The following PLEKHH2 variants were observed in gnomAD, a reference collection of about 807,000 sequenced individuals.
PLEKHH2 encodes pleckstrin homology, MyTH4 and FERM domain containing H2, also known as pleckstrin homology domain-containing family H member 2.
PLEKHH2 carries 129 observed loss-of-function variants against 187.9 expected under a neutral mutation model. The ratio of observed to expected loss-of-function variants is 0.69; its 90% CI spans 0.59 to 0.79. The LOEUF (loss-of-function observed/expected upper bound fraction) is 0.79, where lower values mean the gene tolerates loss of function less well. Among genes scored for constraint, PLEKHH2 ranks in the 30% least tolerant of loss-of-function variants. The probability of loss-of-function intolerance (pLI) is 0.00; values close to 1 mark genes in which losing one functional copy is unlikely to be tolerated. For missense variants in PLEKHH2, 2,076 were observed against 1,751.2 expected (o/e 1.19, Z -3.31); for synonymous variants, 686 against 605.6 (o/e 1.13, Z -1.95).
At chr2:43,757,480 C>T (rs1488524162) in intron 26 of PLEKHH2, among the ~76,000 whole-genome samples, 1 of 147,986 alleles carries the variant, frequency 6.8e-6, no homozygotes, top group Non-Finnish European at 1.5e-5. Flanking sequence ...AGTGCAGTGG[C>T]CCAATCTCGG....
chr2:43,706,845 T>C (rs1669681423), intron 10 of PLEKHH2, among the ~76,000 whole-genome samples: 1 of 152,226 alleles, frequency 6.6e-6, no homozygotes, highest in Non-Finnish European at 1.5e-5. Flanking sequence ...CTTATTAGAA[T>C]TCAGGGTTTA....
intron 17 of PLEKHH2, 66 bp downstream of exon 17, chr2:43,726,517 A>C (rs1014346502): frequency 1.4e-6 from 2 of 1,419,452 alleles, no homozygotes; most frequent in African/African-American, 2.9e-5. Flanking sequence ...ATTGGTAATA[A>C]TTATCAAATC....
At chr2:43,765,382 G>C (rs1052168135) in intron 29 of PLEKHH2, 31 bp from the exon 30 acceptor site, 1 of 1,602,610 alleles carries the variant, frequency 6.2e-7, no homozygotes, top group Non-Finnish European at 8.5e-7. Flanking sequence ...AACTTCTAAG[G>C]AGCAAAACAA....
intron 23 of PLEKHH2, 58 bp from the exon 24 acceptor site, chr2:43,745,808 T>G: frequency 7.4e-7 from 1 of 1,344,564 alleles, no homozygotes; most frequent in Non-Finnish European, 1.0e-6. Context: ...CACACTTGTC[T>G]TCAAAAAATG....
chr2:43,743,919 C>G lies in PLEKHH2; in HGVS notation c.3485C>G (p.Ser1162Cys). 1 of 1,614,090 alleles carries G rather than the reference C, an allele frequency of 6.2e-7. No homozygotes were observed. Among genetic ancestry groups the G allele is most frequent in the Non-Finnish European group, 8.5e-7 (1 of 1,179,950 alleles). Residue 1162 changes from serine to cysteine, a missense_variant, in exon 23 of 30, where the codon TCT (serine) becomes TGT (cysteine). By Grantham distance (112) the Ser-to-Cys change is moderately radical (BLOSUM62 -1). Transcript: ENST00000282406. ...QDTGMRKPAQ[S>C]GFALFTDDPS... ...ACAGGAATGAGGAAACCAGCGCAGT[C>G]TGGATTTGCGTTGTTCACTGACGAT...
intron 19 of PLEKHH2, among the ~76,000 whole-genome samples, chr2:43,733,042 A>G (rs529044536): frequency 4.4e-4 from 67 of 152,304 alleles, no homozygotes; most frequent in African/African-American, 1.6e-3. Context: ...ATTAGAGGAC[A>G]TCAGACATGA....
intron 3 of PLEKHH2, chr2:43,679,415 A>C (rs1668044645): frequency 3.5e-6 from 1 of 289,060 alleles, no homozygotes; most frequent in Admixed American, 4.9e-5. Flanking sequence ...GTTAAAAAAA[A>C]AGGCTGAGAG....
chr2:43,682,594 C>G (rs895265326), intron 3 of PLEKHH2, among the ~76,000 whole-genome samples: 1 of 152,126 alleles, frequency 6.6e-6, no homozygotes, highest in African/African-American at 2.4e-5. Flanking sequence ...CATGAGCCAC[C>G]GTGCCCAGCC....
chr2:43,740,749 G>C (rs1323210098), intron 20 of PLEKHH2, 197 bp from the exon 21 acceptor site: 4 of 989,114 alleles, frequency 4.0e-6, no homozygotes, highest in African/African-American at 1.7e-5. Flanking sequence ...CACACAACTA[G>C]ATGGATCATA....
intron 14 of PLEKHH2, chr2:43,711,345 G>A: frequency 2.0e-6 from 2 of 985,376 alleles, no homozygotes; most frequent in Non-Finnish European, 2.4e-6. Flanking sequence ...TTGTCTTTGG[G>A]CATGGCAGTT....
At chr2:43,756,767 G>C (rs1274640845) in intron 25 of PLEKHH2, among the ~76,000 whole-genome samples, 1 of 152,124 alleles carries the variant, frequency 6.6e-6, no homozygotes, top group Non-Finnish European at 1.5e-5. Flanking sequence ...GGCCAACATG[G>C]TGAAACCCCC....
At chr2:43,692,492 A>T in intron 3 of PLEKHH2, 22 bp from the exon 4 acceptor site, 1 of 1,529,616 alleles carries the variant, frequency 6.5e-7, no homozygotes, top group East Asian at 2.3e-5. Flanking sequence ...CACAATTTTA[A>T]TATTTTATCC....
chr2:43,691,204 CAGGAAGAAGTAGT>C (rs1185632261), intron 3 of PLEKHH2, among the ~76,000 whole-genome samples: 1 of 152,096 alleles, frequency 6.6e-6, no homozygotes, highest in Non-Finnish European at 1.5e-5. Context: ...GTCTCACGAC[CAGGAAGAAGTAGT>C]TGCACGGACA....
intron 1 of PLEKHH2, among the ~76,000 whole-genome samples, chr2:43,641,751 A>G (rs147168907): frequency 3.3e-5 from 5 of 152,308 alleles, no homozygotes; most frequent in Non-Finnish European, 4.4e-5. Context: ...TGAAAAGACT[A>G]TTCTTTCCCC....
At chr2:43,674,816 C>G (rs1196118495) in intron 2 of PLEKHH2, among the ~76,000 whole-genome samples, 1 of 152,028 alleles carries the variant, frequency 6.6e-6, no homozygotes, top group Non-Finnish European at 1.5e-5. Context: ...GAAACGCTGT[C>G]TCTACTAAAA....
intron 2 of PLEKHH2, among the ~76,000 whole-genome samples, chr2:43,673,651 C>T (rs1042653487): frequency 2.0e-5 from 3 of 152,100 alleles, no homozygotes; most frequent in Non-Finnish European, 4.4e-5. Flanking sequence ...ATTCATTGAA[C>T]ACCTGTTAAG....
rs762833655 is a variant in PLEKHH2 at position 43,700,624 on chromosome 2, C to A, written c.1650+16C>A. On this transcript the variant is annotated intron_variant, in intron 8 of 29. Transcript: ENST00000282406. ...TCCTTCTTGGGTAATTATATCACCG[C>A]ATGTAACACATACGCAGTAGTTTTT... The A allele has an allele frequency of 4.8e-5, 76 of 1,590,012 alleles. No homozygotes were observed. The highest frequency in any genetic ancestry group is 6.0e-5 in the Non-Finnish European group (70 of 1,172,526).
chr2:43,681,751 G>A (rs951741889), intron 3 of PLEKHH2: 20 of 462,266 alleles, frequency 4.3e-5, no homozygotes, highest in Admixed American at 2.3e-4. Flanking sequence ...ATTCAGTTTC[G>A]GGTCTGAGAG....
At position 43,765,712 on chromosome 2, in the gene PLEKHH2, T is replaced by G; in HGVS notation, c.*114T>G. 1.0e-6 allele frequency: 1 copy of G among 962,310 alleles called. No individual in the cohort carries two copies. Among genetic ancestry groups the G allele is most frequent in the Non-Finnish European group, 1.5e-6 (1 of 673,906 alleles). 59.6% of individuals were successfully genotyped at this position (962,310 alleles called of 1,614,324 possible). A position where few individuals can be genotyped will look rare whatever the true frequency, so the allele number is the denominator to read the frequency against. The stretch of plus-strand genomic sequence containing the variant: ...CAGCCACACACCGGTATTCCAAACC[T>G]TAACAATGAAGGGGGTTAGTCTCTT... On this transcript the variant is annotated 3_prime_UTR_variant, in exon 30 of 30. Coordinates refer to ENST00000282406, the MANE Select transcript of PLEKHH2 (RefSeq NM_172069.4).
Sources: allele counts gnomAD v4.1 joint callset (sites outside exome capture counted in the v4.1 genomes callset), GRCh38; gene constraint gnomAD v4.1.1; transcripts MANE v1.5; gene names NCBI Gene and HGNC (gene_info 2026-07-23, HGNC 2026-07-21).